SF3B1: variants seen among roughly 807,000 people sequenced by gnomAD.
The protein encoded by SF3B1 is pre-mRNA processing 10.
In SF3B1, 12 loss-of-function variants were observed where a neutral mutation model predicts 153.8. The observed-to-expected ratio is 0.08, with a 90% confidence interval of 0.05 to 0.13. The LOEUF is 0.13. SF3B1 is among the 10% of genes least tolerant of loss of function. The pLI, the probability that SF3B1 is intolerant of heterozygous loss-of-function variation, is 1.00. For synonymous variants in SF3B1, 498 were observed against 525.2 expected (o/e 0.95, Z 0.71); for missense variants, 513 against 1,606.1 (o/e 0.32, Z 11.63).
intron 9 of SF3B1, 63 bp downstream of exon 9, chr2:197,407,935 T>C (rs765717558): frequency 7.7e-4 from 1,140 of 1,488,636 alleles, no homozygotes; most frequent in Non-Finnish European, 1.0e-3. Context: ...TTAATCAATT[T>C]TTTTCACTAT....
rs1422294437 is a variant in SF3B1 at position 197,435,005 on chromosome 2, C to G, written c.-6G>C. ...GTCTTGGCGATCTTCGCCATTTTGT[C>G]CACTCGAACACACAGACGGAACTGG... On this transcript the variant is annotated 5_prime_UTR_variant, in exon 1 of 25. Coordinates refer to ENST00000335508, the MANE Select transcript of SF3B1 (RefSeq NM_012433.4). The G allele has an allele frequency of 1.2e-6, 2 of 1,614,264 alleles. No individual in the cohort carries two copies. The highest frequency in any genetic ancestry group is 1.3e-5 in the African/African-American group (1 of 75,080).
At chr2:197,421,162 A>G (rs751031989) in intron 2 of SF3B1, 29 bp from the exon 3 acceptor site, 5 of 1,427,124 alleles carry the variant, frequency 3.5e-6, no homozygotes, top group Non-Finnish European at 4.9e-6. Context: ...AAAAAGCCAT[A>G]AACAAAATGT....
chr2:197,417,961 C>T (rs1559273793), intron 5 of SF3B1, among the ~76,000 whole-genome samples: 1 of 151,350 alleles, frequency 6.6e-6, no homozygotes, highest in Non-Finnish European at 1.5e-5. Context: ...AATGGCCAGG[C>T]ACAGTGGCTC....
At chr2:197,414,712 A>T (rs976508047) in intron 6 of SF3B1, among the ~76,000 whole-genome samples, 3 of 152,234 alleles carry the variant, frequency 2.0e-5, no homozygotes, top group Admixed American at 2.0e-4. Flanking sequence ...AAGCAAGTAC[A>T]AACAACTCAT....
At chr2:197,434,817 G>A (rs1021228552) in intron 1 of SF3B1, among the ~76,000 whole-genome samples, 155 bp downstream of exon 1, 5 of 152,272 alleles carry the variant, frequency 3.3e-5, no homozygotes, top group Non-Finnish European at 7.3e-5. Context: ...CGGGGCAGTG[G>A]CCTGCGCCGC....
intron 6 of SF3B1, 76 bp downstream of exon 6, chr2:197,416,665 A>T: frequency 5.4e-6 from 7 of 1,306,004 alleles, no homozygotes; most frequent in Non-Finnish European, 6.3e-6. Flanking sequence ...TTGCTATGGC[A>T]ACCCAAGCAG....
chr2:197,423,660 C>G (rs1445703828), intron 2 of SF3B1, 148 bp downstream of exon 2: 2 of 704,112 alleles, frequency 2.8e-6, no homozygotes, highest in Admixed American at 6.1e-5. Context: ...GTTTCTGAAC[C>G]TTAGAGAGGA....
chr2:197,408,702 G>C, intron 7 of SF3B1, 121 bp from the exon 8 acceptor site: 1 of 729,400 alleles, frequency 1.4e-6, no homozygotes, highest in Non-Finnish European at 2.3e-6. Context: ...CTAAAATGGT[G>C]ACCCATTTAA....
At chr2:197,425,971 G>A (rs1356113905) in intron 1 of SF3B1, among the ~76,000 whole-genome samples, 1 of 152,008 alleles carries the variant, frequency 6.6e-6, no homozygotes, top group Non-Finnish European at 1.5e-5. Context: ...CTGCACTCCA[G>A]CCTGGATGAG....
rs1296907290 is a variant in SF3B1 at position 197,392,121 on chromosome 2, C to T, written c.*182G>A. The T allele has an allele frequency of 2.3e-6, 1 of 434,762 alleles. No homozygotes were observed. Among genetic ancestry groups the T allele is most frequent in the Admixed American group, 4.0e-5 (1 of 24,850 alleles). 26.9% of individuals were successfully genotyped at this position (434,762 alleles called of 1,614,324 possible). A position where few individuals can be genotyped will look rare whatever the true frequency, so the allele number is the denominator to read the frequency against. The stretch of plus-strand genomic sequence containing the variant: ...TCACTGTGTTCTTGGTCACTACTGG[C>T]ATTTACTGTTTAACATCAAAAACAA... On this transcript the variant is annotated 3_prime_UTR_variant, in exon 25 of 25. Transcript: ENST00000335508.
Position 197,393,050 on chromosome 2 carries a change from T to G in SF3B1, c.3678A>C (p.Val1226=). ...CTAGGGCTCCCATAACTGCCTGAAT[T>G]ACATGAGGAGATGTCTCAAATACAT... ...WPNVFETSPH[V]IQAVMGALEG... Residue 1226 remains valine (V), a synonymous_variant, in exon 24 of 25, where the codon GTA becomes GTC. Coordinates refer to ENST00000335508, the MANE Select transcript of SF3B1 (RefSeq NM_012433.4). 1 of 1,613,448 alleles carries G rather than the reference T, an allele frequency of 6.2e-7. No individual in the cohort carries two copies. The highest frequency in any genetic ancestry group is 8.5e-7 in the Non-Finnish European group (1 of 1,179,374).
chr2:197,431,045 CTATT>C (rs1000981467), intron 1 of SF3B1, among the ~76,000 whole-genome samples: 2 of 150,224 alleles, frequency 1.3e-5, no homozygotes, highest in African/African-American at 4.9e-5. Context: ...TCTGATAAAA[CTATT>C]TAACTGCTCC....
At position 197,408,579 on chromosome 2, in the gene SF3B1, T is replaced by C; in HGVS notation, c.907A>G (p.Thr303Ala). 1 of 1,608,098 alleles carries C rather than the reference T, an allele frequency of 6.2e-7. No individual in the cohort carries two copies. Among genetic ancestry groups the C allele is most frequent in the Non-Finnish European group, 8.5e-7 (1 of 1,176,266 alleles). The change falls in exon 8 of 25, where the codon ACT becomes GCT. Residue 303 changes from threonine (T) to alanine (A), a missense_variant and splice_region_variant. Thr to Ala is a moderately conservative substitution (Grantham distance 58, BLOSUM62 0). This residue lies in a region of SF3B1 where 91 missense variants were observed against 157.4 expected (regional missense o/e 0.58). Transcript: ENST00000335508. ...WDETPKTERD[T>A]PGHGSGWAET... Reference sequence around the variant, plus strand: ...GCCCATCCACTTCCATGCCCAGGAGTATCTTTAAAAAGAAAGAGTGAGTAA... The same window carrying C: ...GCCCATCCACTTCCATGCCCAGGAGCATCTTTAAAAAGAAAGAGTGAGTAA...
intron 23 of SF3B1, among the ~76,000 whole-genome samples, chr2:197,394,142 C>T (rs2084847783): frequency 2.6e-5 from 4 of 151,946 alleles, no homozygotes; most frequent in Non-Finnish European, 5.9e-5. Context: ...CGAGATTGTG[C>T]CACTGCACTC....
At chr2:197,424,201 A>C (rs2085293964) in intron 1 of SF3B1, among the ~76,000 whole-genome samples, 1 of 152,200 alleles carries the variant, frequency 6.6e-6, no homozygotes, top group African/African-American at 2.4e-5. Context: ...ACACTTTGGG[A>C]GGATGAGGTG....
chr2:197,407,425 C>T (rs771857578), intron 9 of SF3B1, among the ~76,000 whole-genome samples: 3 of 151,950 alleles, frequency 2.0e-5, no homozygotes, highest in African/African-American at 7.2e-5. Flanking sequence ...GCCAGCATGG[C>T]GAAACCCTGT....
chr2:197,399,618 T>G lies in SF3B1; in HGVS notation c.3013+437A>C, dbSNP rs16865269. On this transcript the variant is annotated intron_variant, in intron 20 of 24. Transcript: ENST00000335508. ...TTCACTTTTCTCTGATTATATTCCTTGAAACTGATCACAAGCAAAAAACCT... is the reference window on the plus strand; with the variant it reads ...TTCACTTTTCTCTGATTATATTCCTGGAAACTGATCACAAGCAAAAAACCT... Among the ~76,000 whole-genome samples, 807 of 152,272 alleles carry G rather than the reference T, an allele frequency of 5.3e-3. 6 individuals carry two copies. The highest frequency in any genetic ancestry group is 0.018 in the African/African-American group (738 of 41,564).
At chr2:197,408,757 T>G in intron 7 of SF3B1, 176 bp from the exon 8 acceptor site, 1 of 583,316 alleles carries the variant, frequency 1.7e-6, no homozygotes, top group Non-Finnish European at 3.0e-6. Context: ...ACTCTGTCTC[T>G]ACTAAAAATA....
At chr2:197,409,122 G>A (rs1009227260) in intron 7 of SF3B1, among the ~76,000 whole-genome samples, 6 of 152,050 alleles carry the variant, frequency 3.9e-5, no homozygotes, top group Non-Finnish European at 7.4e-5. Flanking sequence ...GCCAGGGGCC[G>A]GAAGCGGTGG....
Sources: allele counts gnomAD v4.1 joint callset (sites outside exome capture counted in the v4.1 genomes callset), GRCh38; gene constraint gnomAD v4.1.1; regional missense constraint gnomAD v4.1.1; transcripts MANE v1.5; gene names NCBI Gene and HGNC (gene_info 2026-07-23, HGNC 2026-07-21).